LARP4B: variants seen among roughly 807,000 people sequenced by gnomAD.
The protein encoded by LARP4B is La ribonucleoprotein 4B.
In LARP4B, 12 loss-of-function variants were observed where a neutral mutation model predicts 89.8. The ratio of observed to expected loss-of-function variants is 0.13; its 90% CI spans 0.09 to 0.22. LARP4B has a LOEUF of 0.22. Ranked by LOEUF, LARP4B falls within the 10% of genes least tolerant of loss-of-function variation. LARP4B has a pLI of 1.00. For synonymous variants in LARP4B, 367 were observed against 363.3 expected (o/e 1.01, Z -0.12); for missense variants, 757 against 947.7 (o/e 0.80, Z 2.64).
chr10:820,331 G>A (rs1832288070), intron 14 of LARP4B: 1 of 155,580 alleles, frequency 6.4e-6, no homozygotes, highest in Non-Finnish European at 1.4e-5. Flanking sequence ...GTAAGTTATA[G>A]CAGAAGGAGA....
At chr10:928,307 GC>G (rs2132066125) in intron 1 of LARP4B, among the ~76,000 whole-genome samples, 1 of 152,050 alleles carries the variant, frequency 6.6e-6, no homozygotes, top group Non-Finnish European at 1.5e-5. Context: ...CATCTATACA[GC>G]TTTTTTACAA....
At chr10:928,856 G>A (rs1206964200) in intron 1 of LARP4B, among the ~76,000 whole-genome samples, 1 of 151,724 alleles carries the variant, frequency 6.6e-6, no homozygotes, top group Non-Finnish European at 1.5e-5. Context: ...TTACAGGAAT[G>A]AGCCACCTCA....
At chr10:816,107 T>C (rs4881538) in intron 15 of LARP4B, among the ~76,000 whole-genome samples, 59,404 of 152,114 alleles carry the variant, frequency 0.39, 12,578 homozygotes, top group South Asian at 0.5. Context: ...TGCATGCCTG[T>C]AGTCCCAGCT....
intron 5 of LARP4B, among the ~76,000 whole-genome samples, chr10:859,400 C>T (rs2131820039): frequency 6.6e-6 from 1 of 151,964 alleles, no homozygotes; most frequent in East Asian, 1.9e-4. Flanking sequence ...ATGGTGATTC[C>T]ACCAAAAAAA....
intron 5 of LARP4B, among the ~76,000 whole-genome samples, chr10:851,314 G>A (rs1186651980): frequency 6.6e-6 from 1 of 151,868 alleles, no homozygotes; most frequent in Non-Finnish European, 1.5e-5. Flanking sequence ...CTCCCGAGGA[G>A]CTGGGACCAC....
intron 7 of LARP4B, among the ~76,000 whole-genome samples, chr10:838,201 G>A (rs1022718089): frequency 5.9e-5 from 9 of 152,124 alleles, no homozygotes; most frequent in African/African-American, 2.2e-4. Flanking sequence ...AGAAAACATA[G>A]GAGAAAATCT....
At chr10:850,035 T>C (rs1201327670) in intron 5 of LARP4B, among the ~76,000 whole-genome samples, 1 of 151,630 alleles carries the variant, frequency 6.6e-6, no homozygotes, top group Admixed American at 6.6e-5. Context: ...GGTTACGATG[T>C]ATCACTACTG....
chr10:947,812 A>C, the LARP4B span, among the ~76,000 whole-genome samples: 1 of 152,054 alleles, frequency 6.6e-6, no homozygotes, highest in Non-Finnish European at 1.5e-5. Flanking sequence ...TAGTAGAGAC[A>C]GGGTTTCTCC....
intron 5 of LARP4B, among the ~76,000 whole-genome samples, chr10:857,448 C>T (rs935919175): frequency 6.6e-6 from 1 of 152,166 alleles, no homozygotes; most frequent in Non-Finnish European, 1.5e-5. Flanking sequence ...GAAAACAATA[C>T]CCCAAAATGA....
intron 1 of LARP4B, among the ~76,000 whole-genome samples, chr10:915,136 T>C (rs1836785100): frequency 1.3e-5 from 2 of 152,098 alleles, no homozygotes; most frequent in Non-Finnish European, 2.9e-5. Context: ...TCCAAGCTGA[T>C]TGAGATTTGA....
intron 1 of LARP4B, among the ~76,000 whole-genome samples, chr10:923,266 C>T (rs756597900): frequency 1.3e-5 from 2 of 152,154 alleles, no homozygotes; most frequent in Non-Finnish European, 2.9e-5. Flanking sequence ...AAGGTAGCTT[C>T]CCATAGGGAC....
chr10:905,275 C>T (rs369027477), intron 1 of LARP4B, among the ~76,000 whole-genome samples: 1 of 152,164 alleles, frequency 6.6e-6, no homozygotes, highest in African/African-American at 2.4e-5. Flanking sequence ...TAATTAAATG[C>T]CATTTAACAG....
chr10:825,576 C>T (rs1168190752), intron 12 of LARP4B, among the ~76,000 whole-genome samples, 188 bp downstream of exon 12: 1 of 152,236 alleles, frequency 6.6e-6, no homozygotes, highest in Non-Finnish European at 1.5e-5. Flanking sequence ...GCCCCAAAGC[C>T]TCCTCTCAGA....
rs1186916728 is a variant in LARP4B at position 931,664 on chromosome 10, A to T, written c.-276T>A. 1.3e-5 allele frequency: 2 copies of T among 152,676 alleles called. No homozygotes were observed. Among genetic ancestry groups the T allele is most frequent in the African/African-American group, 2.4e-5 (1 of 41,132 alleles). The allele number at this position is 152,676 out of a possible 1,614,324, so 9.5% of individuals were successfully genotyped here. A position where few individuals can be genotyped will look rare whatever the true frequency, so the allele number is the denominator to read the frequency against. On this transcript the variant is annotated 5_prime_UTR_variant, in exon 1 of 18. Coordinates refer to ENST00000316157, the MANE Select transcript of LARP4B (RefSeq NM_015155.3). Reference sequence around the variant, plus strand: ...AAATGTCTCAACCCCGGGACTCCAGATCCCCAACGCTCCTTCCCGTTCGCA... The same window carrying T: ...AAATGTCTCAACCCCGGGACTCCAGTTCCCCAACGCTCCTTCCCGTTCGCA...
intron 5 of LARP4B, among the ~76,000 whole-genome samples, chr10:845,768 G>C (rs1381721840): frequency 3.3e-5 from 5 of 152,158 alleles, no homozygotes; most frequent in African/African-American, 9.7e-5. Context: ...TGCATAAAGA[G>C]GTATTTTAAT....
intron 1 of LARP4B, among the ~76,000 whole-genome samples, chr10:924,742 T>C (rs753576361): frequency 2.4e-4 from 36 of 152,236 alleles, no homozygotes; most frequent in Non-Finnish European, 1.9e-4. Context: ...GGAAGCCTTC[T>C]GATCCCTCCC....
chr10:877,660 T>C (rs1013137010), intron 3 of LARP4B, among the ~76,000 whole-genome samples: 6 of 152,152 alleles, frequency 3.9e-5, no homozygotes, highest in African/African-American at 1.4e-4. Flanking sequence ...AAGACAGGTG[T>C]AGGGCTAACA....
At chr10:829,851 C>A (rs1482062219) in intron 9 of LARP4B, 117 bp from the exon 10 acceptor site, 2 of 720,926 alleles carry the variant, frequency 2.8e-6, no homozygotes, top group African/African-American at 1.8e-5. Context: ...GTGAACAGAA[C>A]CTAGAATAAT....
chr10:988,201 CT>C, the LARP4B span: 1 of 432,602 alleles, frequency 2.3e-6, no homozygotes, highest in Non-Finnish European at 4.2e-6. Flanking sequence ...GAAACCCCCG[CT>C]TTACTCAGCA....
Sources: allele counts gnomAD v4.1 joint callset (sites outside exome capture counted in the v4.1 genomes callset), GRCh38; gene constraint gnomAD v4.1.1; transcripts MANE v1.5; gene names NCBI Gene and HGNC (gene_info 2026-07-23, HGNC 2026-07-21).